The following LARS1 variants were observed in gnomAD, a reference collection of about 807,000 sequenced individuals.
The protein encoded by LARS1 is leucine--tRNA ligase, cytoplasmic.
Under a neutral mutation model 162.8 loss-of-function variants are expected in LARS1, and 100 were observed. The ratio of observed to expected loss-of-function variants is 0.61; its 90% confidence interval spans 0.52 to 0.73. LARS1 has a LOEUF of 0.73. Ranked by LOEUF, LARS1 falls within the 30% of genes least tolerant of loss-of-function variation. The probability of loss-of-function intolerance (pLI) is 0.00; values close to 1 mark genes in which losing one functional copy is unlikely to be tolerated. For synonymous variants in LARS1, 457 were observed against 462.8 expected, an observed-to-expected ratio of 0.99 and a Z score of 0.16; for missense variants, 1,258 against 1,408.9, an observed-to-expected ratio of 0.89 and a Z score of 1.71.
At chr5:146,152,473 G>A (rs1173267840) in intron 13 of LARS1, among the ~76,000 whole-genome samples, 1 of 152,158 alleles carries the variant, frequency 6.6e-6, no homozygotes, top group Non-Finnish European at 1.5e-5. Flanking sequence ...GATTCTCATA[G>A]AAGCACGAAC....
At chr5:146,136,697 G>A (rs1256726776) in intron 21 of LARS1, among the ~76,000 whole-genome samples, 1 of 151,936 alleles carries the variant, frequency 6.6e-6, no homozygotes, top group East Asian at 1.9e-4. Flanking sequence ...GGTCAGGCTG[G>A]TCTCTAACTC....
At position 146,152,021 on chromosome 5, in the gene LARS1, A is replaced by G; in HGVS notation, c.1285-19T>C. The stretch of plus-strand genomic sequence containing the variant: ...CTGGCACCTGCAGCAAACAGCAATC[A>G]GGAACGTGTTCACACTGACTGGACA... On this transcript the variant is annotated intron_variant, in intron 13 of 31. Coordinates refer to ENST00000394434, the MANE Select transcript of LARS1 (RefSeq NM_020117.11). The G allele has an allele frequency of 6.2e-7, 1 of 1,613,160 alleles. No homozygotes were observed. Among genetic ancestry groups the G allele is most frequent in the African/African-American group, 1.3e-5 (1 of 75,058 alleles).
intron 28 of LARS1, 68 bp from the exon 29 acceptor site, chr5:146,124,154 A>C: frequency 1.1e-6 from 1 of 938,196 alleles, no homozygotes; most frequent in Non-Finnish European, 1.7e-6. Context: ...TACTTCCTCC[A>C]AAGTAATCAT....
At position 146,155,751 on chromosome 5, in the gene LARS1, C is replaced by T. The variant is rs111692587; in HGVS notation, c.1065+1652G>A. Among the ~76,000 whole-genome samples the T allele has an allele frequency of 8.0e-3, 1,216 of 152,288 alleles. 18 individuals carry two copies. Among genetic ancestry groups the T allele is most frequent in the African/African-American group, 0.027 (1,141 of 41,556 alleles). On this transcript the variant is annotated intron_variant, in intron 10 of 31. Coordinates refer to ENST00000394434, the MANE Select transcript of LARS1 (RefSeq NM_020117.11). ...CAATTTATAACATCCATGTCCCTCACGCCAGAATTTGCTCAAATTAACAGG... is the reference window on the plus strand; with the variant it reads ...CAATTTATAACATCCATGTCCCTCATGCCAGAATTTGCTCAAATTAACAGG...
chr5:146,113,955 T>C lies in LARS1; in HGVS notation c.*151A>G. 1.6e-6 allele frequency: 1 copy of C among 642,306 alleles called. No individual in the cohort carries two copies. Among genetic ancestry groups the C allele is most frequent in the Non-Finnish European group, 2.7e-6 (1 of 369,386 alleles). The allele number at this position is 642,306 out of a possible 1,614,324, so 39.8% of individuals were successfully genotyped here. Reference sequence around the variant, plus strand: ...TTAGGTCCAGGAATCAAAGATGACTTGATAGAATTATGAATACATGCAGAA... The same window carrying C: ...TTAGGTCCAGGAATCAAAGATGACTCGATAGAATTATGAATACATGCAGAA... On this transcript the variant is annotated 3_prime_UTR_variant, in exon 32 of 32. Transcript: ENST00000394434.
chr5:146,130,138 A>G lies in LARS1; in HGVS notation c.2508T>C (p.Arg836=), dbSNP rs1752217178. 1 of 1,613,590 alleles carries G rather than the reference A, an allele frequency of 6.2e-7. No homozygotes were observed. Among genetic ancestry groups the G allele is most frequent in the Admixed American group, 1.7e-5 (1 of 59,880 alleles). Reference sequence around the variant, plus strand: ...TGTGCATCCCTTCCACAGCCAATTCACGGTACTTATCTTTTGCGGCCTATA... The same window carrying G: ...TGTGCATCCCTTCCACAGCCAATTCGCGGTACTTATCTTTTGCGGCCTATA... The part of the protein sequence containing the change: ...FEFQAAKDKY[R]ELAVEGMHRE... The change falls in exon 25 of 32, where the codon CGT becomes CGC. Residue 836 remains arginine (R), a synonymous_variant. Coordinates refer to ENST00000394434, the MANE Select transcript of LARS1 (RefSeq NM_020117.11).
At chr5:146,161,621 C>T (rs374636313) in intron 6 of LARS1, among the ~76,000 whole-genome samples, 6 of 152,084 alleles carry the variant, frequency 3.9e-5, no homozygotes, top group South Asian at 4.2e-4. Context: ...GGTGTAGTGG[C>T]GCATGCCTGT....
intron 23 of LARS1, 132 bp from the exon 24 acceptor site, chr5:146,131,241 G>A (rs1752266269): frequency 1.9e-6 from 1 of 528,854 alleles, no homozygotes; most frequent in African/African-American, 2.0e-5. Context: ...CATTTAAGCA[G>A]TAAAATGAGA....
At chr5:146,158,736 G>A (rs1225826676) in intron 8 of LARS1, among the ~76,000 whole-genome samples, 2 of 152,136 alleles carry the variant, frequency 1.3e-5, no homozygotes, top group Non-Finnish European at 2.9e-5. Context: ...TTTTAGAGCT[G>A]TTTATTTTCC....
intron 8 of LARS1, among the ~76,000 whole-genome samples, 166 bp from the exon 9 acceptor site, chr5:146,157,961 G>A (rs1298670844): frequency 6.6e-6 from 1 of 152,128 alleles, no homozygotes; most frequent in East Asian, 1.9e-4. Context: ...TACCCACACA[G>A]AAGTCTAGTA....
intron 5 of LARS1, among the ~76,000 whole-genome samples, chr5:146,165,438 T>G (rs1753963649): frequency 6.7e-6 from 1 of 149,628 alleles, no homozygotes; most frequent in Admixed American, 6.7e-5. Context: ...GACTAAAACA[T>G]GAGAATTGCT....
chr5:146,163,433 C>A (rs1753865208), intron 6 of LARS1, among the ~76,000 whole-genome samples: 1 of 152,208 alleles, frequency 6.6e-6, no homozygotes, highest in African/African-American at 2.4e-5. Context: ...TGCCTATAAT[C>A]CCAGCACTTT....
chr5:146,123,497 C>CAATCATAATATATCATGAACCA (rs1039944857), intron 29 of LARS1, among the ~76,000 whole-genome samples: 1 of 151,768 alleles, frequency 6.6e-6, no homozygotes, highest in East Asian at 1.9e-4. Context: ...AGACATGGAA[C>CAATCATAATATATCATGAACCA]AATCATAATA....
In LARS1 at chr5:146,143,020, T is replaced by C; in HGVS notation, c.1942A>G (p.Thr648Ala). The stretch of plus-strand genomic sequence containing the variant: ...TCTAATTTTTCCTTTGCAATCTGAG[T>C]CTTAGGAAATGGAGCCTCCTTGAAG... ...VFFKEAPFPK[T>A]QIAKEKLDQL... Residue 648 changes from threonine to alanine, a missense_variant, in exon 20 of 32, where the codon ACT becomes GCT. Transcript: ENST00000394434. The C allele has an allele frequency of 6.2e-7, 1 of 1,613,908 alleles. No homozygotes were observed. Among genetic ancestry groups the C allele is most frequent in the Non-Finnish European group, 8.5e-7 (1 of 1,179,872 alleles).
chr5:146,140,110 T>C, intron 21 of LARS1, 94 bp downstream of exon 21: 30 of 974,166 alleles, frequency 3.1e-5, no homozygotes, highest in Non-Finnish European at 4.7e-5. Flanking sequence ...CCTGGACACA[T>C]TATTTCTTAC....
chr5:146,179,595 ATG>A (rs2126614906), intron 1 of LARS1: 16 of 343,026 alleles, frequency 4.7e-5, no homozygotes, highest in South Asian at 1.3e-4. Flanking sequence ...CACTGTATTT[ATG>A]TGTGTGTGTC....
At chr5:146,171,013 A>C (rs1203425186) in intron 4 of LARS1, among the ~76,000 whole-genome samples, 1 of 152,118 alleles carries the variant, frequency 6.6e-6, no homozygotes. Context: ...GAGGGTGTTC[A>C]TTGTACTACC....
At chr5:146,115,625 A>G (rs905264675) in intron 31 of LARS1, among the ~76,000 whole-genome samples, 1 of 147,868 alleles carries the variant, frequency 6.8e-6, no homozygotes, top group African/African-American at 2.4e-5. Context: ...TGTCTCTTGA[A>G]CAACTTTGTA....
At chr5:146,146,464 T>C (rs956112126) in intron 15 of LARS1, among the ~76,000 whole-genome samples, 1 of 80,642 alleles carries the variant, frequency 1.2e-5, no homozygotes, top group Non-Finnish European at 2.5e-5. Context: ...TAACATAAGA[T>C]AATATAAGAT....
Sources: gnomAD v4.1 joint callset for allele counts (sites outside exome capture counted in the v4.1 genomes callset) on GRCh38, gnomAD v4.1.1 for gene constraint, MANE v1.5 for transcripts, NCBI Gene and HGNC (gene_info 2026-07-23, HGNC 2026-07-21) for gene names.